PLCH2: variants seen among roughly 807,000 people sequenced by gnomAD.
The protein encoded by PLCH2 is 1-phosphatidylinositol 4,5-bisphosphate phosphodiesterase eta-2.
Under a neutral mutation model 134.7 loss-of-function variants are expected in PLCH2, and 98 were observed. The ratio of observed to expected loss-of-function variants is 0.73; its 90% confidence interval spans 0.62 to 0.86. The LOEUF is 0.86. PLCH2 is among the 40% of genes least tolerant of loss of function. The pLI is 0.00. For missense variants in PLCH2, 1,994 were observed against 1,986.6 expected, an observed-to-expected ratio of 1.00 and a Z score of -0.07; for synonymous variants, 974 against 827.5, an observed-to-expected ratio of 1.18 and a Z score of -3.04.
chr1:2,495,638 T>C, intron 13 of PLCH2, 68 bp downstream of exon 13: 2 of 1,138,462 alleles, frequency 1.8e-6, no homozygotes, highest in Non-Finnish European at 2.5e-6. Context: ...GGCCCTTCTC[T>C]GCGGTGACCC....
At chr1:2,491,064 C>T (rs1642549817) in intron 10 of PLCH2, 128 bp from the exon 11 acceptor site, 2 of 882,808 alleles carry the variant, frequency 2.3e-6, no homozygotes, top group Admixed American at 5.3e-5. Flanking sequence ...TGCCTGCAGG[C>T]CCTGAGGTGA....
At chr1:2,475,448 C>T (rs13376356), upstream of PLCH2, among the ~76,000 whole-genome samples, 19,738 of 152,248 alleles carry the variant, frequency 0.13, 1,403 homozygotes, top group African/African-American at 0.14. Flanking sequence ...CCCATTCCCA[C>T]AGCTGCCCCT....
upstream of PLCH2, among the ~76,000 whole-genome samples, chr1:2,462,902 T>C (rs1640891014): frequency 1.3e-5 from 2 of 152,294 alleles, no homozygotes; most frequent in East Asian, 3.9e-4. Context: ...GCCCCCACAG[T>C]GGGCTTAGTT....
intron 21 of PLCH2, chr1:2,503,010 T>C: frequency 1.4e-6 from 1 of 715,148 alleles, no homozygotes; most frequent in Middle Eastern, 2.3e-4. Context: ...TCGCCTCGTG[T>C]GCTCGTGCTC....
At position 2,496,848 on chromosome 1, in the gene PLCH2, T is replaced by C; in HGVS notation, c.1954T>C (p.Ser652Pro). ...EMEAASSWQV[S>P]SFSETKAHQI... is the part of the protein sequence containing the mutation. ...CACAGCGGCGTCCAGCTGGCAGGTG[T>C]CGTCCTTCAGCGAGACCAAGGCCCA... The change falls in exon 15 of 22, where the codon TCG becomes CCG. Residue 652 changes from serine to proline, a missense_variant. Ser to Pro is a moderately conservative substitution (Grantham distance 74). This residue lies in a region of PLCH2 where 1,094 missense variants were observed against 1,234.3 expected (regional missense o/e 0.89). Coordinates refer to ENST00000378486, the MANE Select transcript of PLCH2 (RefSeq NM_014638.4). 1 of 1,612,336 alleles carries C rather than the reference T, an allele frequency of 6.2e-7. No homozygotes were observed. Among genetic ancestry groups the C allele is most frequent in the Non-Finnish European group, 8.5e-7 (1 of 1,179,442 alleles).
At chr1:2,472,593 TG>T (rs1283963157), upstream of PLCH2, among the ~76,000 whole-genome samples, 18 of 152,092 alleles carry the variant, frequency 1.2e-4, no homozygotes, top group Admixed American at 6.5e-4. Context: ...TAGGCTGGCC[TG>T]GGGGCCATTG....
chr1:2,489,949 G>A, intron 10 of PLCH2, 82 bp downstream of exon 10: 4 of 1,049,822 alleles, frequency 3.8e-6, no homozygotes, highest in Non-Finnish European at 6.0e-6. Flanking sequence ...GTTGGGGCGA[G>A]TTAGAAAGGG....
At chr1:2,453,174 C>T (rs984616647) in intron 2 of PLCH2, among the ~76,000 whole-genome samples, 3 of 152,198 alleles carry the variant, frequency 2.0e-5, no homozygotes, top group Admixed American at 2.0e-4. Context: ...TCCAGTGGGG[C>T]AGCCGGGACA....
At chr1:2,477,810 T>C (rs527869690) in intron 1 of PLCH2, among the ~76,000 whole-genome samples, 64 of 152,312 alleles carry the variant, frequency 4.2e-4, no homozygotes, top group African/African-American at 1.5e-3. Flanking sequence ...CAGACATTCA[T>C]GGCACCATTC....
At chr1:2,445,003 C>T (rs147278970) in intron 2 of PLCH2, among the ~76,000 whole-genome samples, 1 of 152,254 alleles carries the variant, frequency 6.6e-6, no homozygotes, top group Non-Finnish European at 1.5e-5. Flanking sequence ...GCGGAGGCCA[C>T]TGTCCTATCT....
At chr1:2,488,726 G>A (rs749659698) in intron 8 of PLCH2, among the ~76,000 whole-genome samples, 1 of 152,246 alleles carries the variant, frequency 6.6e-6, no homozygotes, top group Non-Finnish European at 1.5e-5. Flanking sequence ...ACCAGATGGT[G>A]TGTGCCAGGC....
At chr1:2,485,308 G>A (rs1175367294) in intron 5 of PLCH2, among the ~76,000 whole-genome samples, 2 of 152,234 alleles carry the variant, frequency 1.3e-5, no homozygotes, top group East Asian at 3.8e-4. Context: ...ACTGGGTACC[G>A]CATGCCCTGG....
At chr1:2,488,592 G>A (rs1642400427) in intron 8 of PLCH2, among the ~76,000 whole-genome samples, 1 of 152,236 alleles carries the variant, frequency 6.6e-6, no homozygotes, top group Non-Finnish European at 1.5e-5. Flanking sequence ...AAAGAATCAT[G>A]GCTGCCTTTT....
chr1:2,439,326 C>T lies in PLCH2; in HGVS notation c.115+8697C>T, dbSNP rs1197805876. 6.6e-6 allele frequency among the ~76,000 whole-genome samples: 1 copy of T among 152,156 alleles called. No homozygotes were observed. The highest frequency in any genetic ancestry group is 2.4e-5 in the African/African-American group (1 of 41,436). ...CTGGGGGGTCTCAGAGCAGGAGGCT[C>T]AGCCCTGCCCACCCACCCCAGTGCT... is the stretch of plus-strand genomic sequence containing the variant. On this transcript the variant is annotated intron_variant, in intron 2 of 3. Transcript: ENST00000609981. The surrounding 1 kb of genome is among the most constrained non-coding windows in gnomAD (Gnocchi z 4.7).
At position 2,498,989 on chromosome 1, in the gene PLCH2, G is replaced by A; in HGVS notation, c.2435-95G>A. 1 of 1,461,354 alleles carries A rather than the reference G, an allele frequency of 6.8e-7. No homozygotes were observed. Among genetic ancestry groups the A allele is most frequent in the Non-Finnish European group, 9.3e-7 (1 of 1,072,372 alleles). The allele number at this position is 1,461,354 out of a possible 1,614,324, so 90.5% of individuals were successfully genotyped here. ...CAGTCCCGGAAGCAGCACCGGGAGT[G>A]GCACTGGGAGTGGTGTGGGCCGGGG... On this transcript the variant is annotated intron_variant, in intron 18 of 21. Coordinates refer to ENST00000378486, the MANE Select transcript of PLCH2 (RefSeq NM_014638.4). This position sits in a 1 kb window ranked among gnomAD's most constrained non-coding sequence, Gnocchi z 5.4.
At position 2,504,425 on chromosome 1, in the gene PLCH2, G is replaced by A. The variant is rs1283403442; in HGVS notation, c.3463G>A (p.Val1155Ile). 3 of 1,612,568 alleles carry A rather than the reference G, an allele frequency of 1.9e-6. No homozygotes were observed. ...SSSSMSSSDT[V>I]IDLSLPSLGL... ...CTCCAGCATGTCATCCAGCGACACT[G>A]TCATTGACCTCTCCCTGCCCAGCCT... Residue 1155 changes from valine (V) to isoleucine (I), a missense_variant, in exon 22 of 22, where the codon GTC becomes ATC. Around this residue, in one of 2 missense-constraint regions of PLCH2, gnomAD observed 900 missense variants for 752.3 expected, o/e 1.20. Transcript: ENST00000378486.
chr1:2,418,057 C>T, the PLCH2 span, among the ~76,000 whole-genome samples: 1 of 152,202 alleles, frequency 6.6e-6, no homozygotes, highest in Non-Finnish European at 1.5e-5. Flanking sequence ...AACGCGAACA[C>T]GCAGGCACTC....
intron 13 of PLCH2, 92 bp downstream of exon 13, chr1:2,495,662 C>T: frequency 1.2e-6 from 1 of 867,056 alleles, no homozygotes; most frequent in Non-Finnish European, 1.8e-6. Context: ...CAGGACCATC[C>T]CTGAGCAGGG....
intron 2 of PLCH2, among the ~76,000 whole-genome samples, chr1:2,441,393 C>A (rs1639686461): frequency 6.6e-6 from 1 of 152,286 alleles, no homozygotes; most frequent in Admixed American, 6.5e-5. Context: ...AGCGTGGGGG[C>A]ATGGGGGTGG....
Sources: allele counts gnomAD v4.1 joint callset (sites outside exome capture counted in the v4.1 genomes callset), GRCh38; gene constraint gnomAD v4.1.1; regional missense constraint gnomAD v4.1.1; non-coding constraint Gnocchi (gnomAD v3.1); transcripts MANE v1.5; gene names NCBI Gene and HGNC (gene_info 2026-07-23, HGNC 2026-07-21).